AADACL4: variants seen among roughly 807,000 people sequenced by gnomAD.
The protein encoded by AADACL4 is arylacetamide deacetylase-like 4.
A neutral mutation model predicts 14.1 loss-of-function variants in AADACL4; 9 were observed. The ratio of observed to expected loss-of-function variants is 0.64; its 90% CI spans 0.39 to 1.12. The LOEUF (loss-of-function observed/expected upper bound fraction) is 1.12, where lower values mean the gene tolerates loss of function less well. Ranked by LOEUF, AADACL4 falls within the 50% of genes most tolerant of loss-of-function variation. The pLI, the probability that AADACL4 is intolerant of heterozygous loss-of-function variation, is 0.01. For missense variants in AADACL4, 531 were observed against 516.1 expected, an observed-to-expected ratio of 1.03 and a Z score of -0.28; for synonymous variants, 188 against 201.6, an observed-to-expected ratio of 0.93 and a Z score of 0.57.
In AADACL4 at chr1:12,666,090, C is replaced by T. The variant is rs757943582; in HGVS notation, c.579C>T (p.Ser193=). ...DPSRVVVCGE[S]VGGAAVAAIT... ...CCAGGGTTGTGGTCTGTGGAGAAAG[C>T]GTCGGAGGTGCAGCGGTGGCCGCCA... Residue 193 remains serine, a synonymous_variant, in exon 4 of 4, where the codon AGC becomes AGT. Transcript: ENST00000376221. The T allele has an allele frequency of 2.4e-5, 38 of 1,614,094 alleles. No individual in the cohort carries two copies. Among genetic ancestry groups the T allele is most frequent in the African/African-American group, 1.7e-4 (13 of 74,926 alleles).
In AADACL4 at chr1:12,666,998, A is replaced by G; in HGVS notation, c.*263A>G. 1 of 467,882 alleles carries G rather than the reference A, an allele frequency of 2.1e-6. No individual in the cohort carries two copies. Among genetic ancestry groups the G allele is most frequent in the Non-Finnish European group, 3.7e-6 (1 of 268,892 alleles). 29.0% of individuals were successfully genotyped at this position (467,882 alleles called of 1,614,324 possible). A position where few individuals can be genotyped will look rare whatever the true frequency, so the allele number is the denominator to read the frequency against. On this transcript the variant is annotated 3_prime_UTR_variant, in exon 4 of 4. Transcript: ENST00000376221. The stretch of plus-strand genomic sequence containing the variant: ...CCCATTTAGGTGAAATAAATATCAA[A>G]AGGAGAAAAAAATGCCTTTAAAAAT...
intron 1 of AADACL4, among the ~76,000 whole-genome samples, chr1:12,650,695 G>C (rs927046788): frequency 3.4e-4 from 52 of 152,198 alleles, no homozygotes; most frequent in Middle Eastern, 3.4e-3. Context: ...ACCATGCCCA[G>C]CTGATTTTTG....
intron 3 of AADACL4, among the ~76,000 whole-genome samples, chr1:12,663,377 C>A (rs988360421): frequency 6.6e-6 from 1 of 152,152 alleles, no homozygotes; most frequent in Non-Finnish European, 1.5e-5. Flanking sequence ...CTTTTCCAGG[C>A]TGTAGACTGC....
rs1396833101 is a variant in AADACL4 at position 12,644,733 on chromosome 1, C to T, written c.168+19C>T. On this transcript the variant is annotated intron_variant, in intron 1 of 3. Transcript: ENST00000376221. The stretch of plus-strand genomic sequence containing the variant: ...CACTTTGGTGAGTTTACTCTCAGGC[C>T]ACGTCGTAACCTGGGGGCTTCTTCT... 11 of 1,611,696 alleles carry T rather than the reference C, an allele frequency of 6.8e-6. No individual in the cohort carries two copies. Among genetic ancestry groups the T allele is most frequent in the South Asian group, 2.2e-5 (2 of 90,898 alleles).
At chr1:12,657,663 A>C (rs372264341) in intron 2 of AADACL4, among the ~76,000 whole-genome samples, 1 of 152,222 alleles carries the variant, frequency 6.6e-6, no homozygotes, top group Non-Finnish European at 1.5e-5. Flanking sequence ...TCTTTAACCA[A>C]GGGGCGGAAT....
At chr1:12,654,839 C>T (rs1298836249) in intron 2 of AADACL4, among the ~76,000 whole-genome samples, 1 of 151,778 alleles carries the variant, frequency 6.6e-6, no homozygotes, top group Non-Finnish European at 1.5e-5. Context: ...CATTCATGGG[C>T]AAGACGGCCC....
In AADACL4 at chr1:12,661,939, C is replaced by T; in HGVS notation, c.449+85C>T. 5.6e-6 allele frequency: 8 copies of T among 1,434,076 alleles called. No individual in the cohort carries two copies. The South Asian group carries it at 8.1e-5, about 14-fold the overall frequency. The allele number at this position is 1,434,076 out of a possible 1,614,324, so 88.8% of individuals were successfully genotyped here. ...ATGGGTGATTTGTAGATCAGAGAGG[C>T]CCTAACTCCCAAGAGGCAACTCTTG... On this transcript the variant is annotated intron_variant, in intron 3 of 3. Coordinates refer to ENST00000376221, the MANE Select transcript of AADACL4 (RefSeq NM_001013630.2).
Position 12,651,204 on chromosome 1 carries a change from G to A in AADACL4, c.250G>A (p.Asp84Asn), listed in dbSNP as rs986248510. ...FLHDSVRIKK[D>N]PELVVTDLRF... Reference sequence around the variant, plus strand: ...ACATGATAGCGTGAGAATTAAAAAGGACCCTGAACTTGTGGTGACCGACCT... The same window carrying A: ...ACATGATAGCGTGAGAATTAAAAAGAACCCTGAACTTGTGGTGACCGACCT... The change falls in exon 2 of 4, where the codon GAC (aspartate) becomes AAC (asparagine). Residue 84 changes from aspartate (D) to asparagine (N), a missense_variant. Physicochemically the swap from Asp to Asn is conservative, Grantham distance 23. Coordinates refer to ENST00000376221, the MANE Select transcript of AADACL4 (RefSeq NM_001013630.2). 1.2e-6 allele frequency: 2 copies of A among 1,614,112 alleles called. No individual in the cohort carries two copies. The highest frequency in any genetic ancestry group is 1.7e-6 in the Non-Finnish European group (2 of 1,180,056).
intron 1 of AADACL4, among the ~76,000 whole-genome samples, chr1:12,646,411 C>T (rs965650322): frequency 6.6e-6 from 1 of 152,202 alleles, no homozygotes; most frequent in African/African-American, 2.4e-5. Flanking sequence ...GTTACAAAAA[C>T]ATTTTCTAAA....
intron 1 of AADACL4, among the ~76,000 whole-genome samples, chr1:12,650,835 A>G (rs996236175): frequency 3.3e-5 from 5 of 152,098 alleles, no homozygotes; most frequent in East Asian, 3.9e-4. Flanking sequence ...CCGGCCAACA[A>G]TTGGCTTTTC....
chr1:12,649,226 C>T (rs1181068672), intron 1 of AADACL4, among the ~76,000 whole-genome samples: 2 of 152,168 alleles, frequency 1.3e-5, no homozygotes, highest in Admixed American at 1.3e-4. Context: ...AGGATGGCCC[C>T]ACGTGAACAT....
At chr1:12,650,483 G>C (rs1469173762) in intron 1 of AADACL4, among the ~76,000 whole-genome samples, 1 of 151,606 alleles carries the variant, frequency 6.6e-6, no homozygotes, top group Non-Finnish European at 1.5e-5. Flanking sequence ...CCAGCACAGA[G>C]CTATAGAGAG....
At chr1:12,658,139 C>CCTTT (rs1191457132) in intron 2 of AADACL4, among the ~76,000 whole-genome samples, 1,796 of 84,822 alleles carry the variant, frequency 0.021, 40 homozygotes, top group East Asian at 0.098. Context: ...TTCCTTCCTT[C>CCTTT]CTTTCTTTCT....
In AADACL4 at chr1:12,666,424, G is replaced by A. The variant is rs201187597; in HGVS notation, c.913G>A (p.Gly305Ser). The A allele has an allele frequency of 5.3e-5, 85 of 1,613,968 alleles. No homozygotes were observed. The highest frequency in any genetic ancestry group is 1.6e-4 in the Middle Eastern group (1 of 6,084). ...CAGAGGCTACCAACCCTGGTCTCCC[G>A]GCCCTTTTAATGAAGCTGCCTATCT... ...KNRGYQPWSP[G>S]PFNEAAYLEA... Residue 305 changes from glycine (G) to serine (S), a missense_variant, in exon 4 of 4, where the codon GGC becomes AGC. Transcript: ENST00000376221.
chr1:12,651,079 C>G (rs767020147), intron 1 of AADACL4, 44 bp from the exon 2 acceptor site: 1 of 1,569,728 alleles, frequency 6.4e-7, no homozygotes, highest in Middle Eastern at 1.7e-4. Context: ...CATCCAGATT[C>G]TAACCTCTCC....
chr1:12,656,611 G>A (rs1268319289), intron 2 of AADACL4, among the ~76,000 whole-genome samples: 1 of 152,184 alleles, frequency 6.6e-6, no homozygotes, highest in Non-Finnish European at 1.5e-5. Context: ...TGAAGTGTGA[G>A]GAAGAAGCAT....
chr1:12,659,915 C>A (rs1458265275), intron 2 of AADACL4, among the ~76,000 whole-genome samples: 1 of 151,526 alleles, frequency 6.6e-6, no homozygotes, highest in Non-Finnish European at 1.5e-5. Context: ...ACCTCCTGGG[C>A]TCAGGTGATC....
At chr1:12,657,668 C>T (rs181501409) in intron 2 of AADACL4, among the ~76,000 whole-genome samples, 323 of 152,210 alleles carry the variant, frequency 2.1e-3, no homozygotes, top group African/African-American at 6.4e-3. Flanking sequence ...AACCAAGGGG[C>T]GGAATATTCA....
At chr1:12,658,190 CTCTT>C (rs1306464580) in intron 2 of AADACL4, among the ~76,000 whole-genome samples, 3 of 128,586 alleles carry the variant, frequency 2.3e-5, no homozygotes, top group Admixed American at 1.6e-4. Context: ...CTTTCTTTCT[CTCTT>C]TCTTTCTTTT....
Sources: gnomAD v4.1 joint callset for allele counts (sites outside exome capture counted in the v4.1 genomes callset) on GRCh38, gnomAD v4.1.1 for gene constraint, MANE v1.5 for transcripts, NCBI Gene and HGNC (gene_info 2026-07-23, HGNC 2026-07-21) for gene names.